FBXL5: variants seen among roughly 807,000 people sequenced by gnomAD.
FBXL5 encodes the protein F-box/LRR-repeat protein 5.
A neutral mutation model predicts 78.3 loss-of-function variants in FBXL5; 26 were observed. That is an observed-to-expected ratio of 0.33 (90% CI 0.24 to 0.46). The LOEUF is 0.46. Among genes scored for constraint, FBXL5 ranks in the 20% least tolerant of loss-of-function variants. The pLI is 1.00. For synonymous variants in FBXL5, 295 were observed against 282.5 expected, an observed-to-expected ratio of 1.04 and a Z score of -0.45; for missense variants, 710 against 829.2, an observed-to-expected ratio of 0.86 and a Z score of 1.77.
chr4:15,676,973 T>C (rs1319681846), intron 1 of FBXL5, among the ~76,000 whole-genome samples: 1 of 152,226 alleles, frequency 6.6e-6, no homozygotes, highest in African/African-American at 2.4e-5. Flanking sequence ...ATATGTTCTA[T>C]ATTTATTAAG....
At chr4:15,613,627 A>G (rs975262411) in intron 9 of FBXL5, among the ~76,000 whole-genome samples, 6 of 151,786 alleles carry the variant, frequency 4.0e-5, no homozygotes, top group Non-Finnish European at 5.9e-5. Flanking sequence ...ATTTTATTTT[A>G]TTTTTTATTC....
In FBXL5 at chr4:15,606,100, T is replaced by C. The variant is rs549948271; in HGVS notation, c.2000-301A>G. Among the ~76,000 whole-genome samples, 22 of 152,234 alleles carry C rather than the reference T, an allele frequency of 1.4e-4. No homozygotes were observed. In the South Asian group the frequency reaches 3.5e-3, roughly 24 times the overall value. On this transcript the variant is annotated intron_variant, in intron 10 of 10. Coordinates refer to ENST00000341285, the MANE Select transcript of FBXL5 (RefSeq NM_012161.4). ...AATGAGACAATCCACAGAAGCAAGA[T>C]TGCCAAGCTAACTTATAAAAAGATT...
At chr4:15,627,334 CA>C (rs982696834) in intron 7 of FBXL5, among the ~76,000 whole-genome samples, 1 of 152,052 alleles carries the variant, frequency 6.6e-6, no homozygotes, top group African/African-American at 2.4e-5. Context: ...GGGGTTTCAC[CA>C]TATTGGCCAG....
At chr4:15,648,962 T>C (rs1560237172) in intron 1 of FBXL5, among the ~76,000 whole-genome samples, 1 of 152,176 alleles carries the variant, frequency 6.6e-6, no homozygotes, top group Admixed American at 6.5e-5. Context: ...AAGCATTGCA[T>C]TGTACACCTT....
chr4:15,676,729 AG>A (rs1718008578), intron 1 of FBXL5, among the ~76,000 whole-genome samples: 1 of 152,084 alleles, frequency 6.6e-6, no homozygotes, highest in East Asian at 1.9e-4. Flanking sequence ...GGTTGAAACT[AG>A]GTGTTGGGTT....
intron 9 of FBXL5, among the ~76,000 whole-genome samples, chr4:15,621,572 T>A (rs1447226386): frequency 6.6e-6 from 1 of 152,186 alleles, no homozygotes; most frequent in South Asian, 2.1e-4. Context: ...TTCTGATACA[T>A]GCTACGATGT....
chr4:15,608,002 A>G (rs1223275136), intron 10 of FBXL5, among the ~76,000 whole-genome samples: 1 of 152,206 alleles, frequency 6.6e-6, no homozygotes, highest in African/African-American at 2.4e-5. Context: ...AATAACGTAT[A>G]ACAAAGGTAG....
At chr4:15,608,914 C>T (rs926950263) in intron 10 of FBXL5, among the ~76,000 whole-genome samples, 9 of 152,156 alleles carry the variant, frequency 5.9e-5, no homozygotes, top group South Asian at 4.1e-4. Flanking sequence ...AACTCAGTAT[C>T]ACATTGTAGA....
Position 15,625,466 on chromosome 4 carries a change from A to G in FBXL5, c.1636T>C (p.Cys546Arg). The change falls in exon 9 of 11, where the codon TGT becomes CGT. Residue 546 changes from cysteine (C) to arginine (R), a missense_variant. Physicochemically the swap from Cys to Arg is radical, Grantham distance 180. Around this residue, in one of 4 missense-constraint regions of FBXL5, gnomAD observed 517 missense variants for 542.9 expected, o/e 0.95. Transcript: ENST00000341285. ...QHCASPAFAYCGHSFCCTGTA... is the reference protein window; with the variant it reads ...QHCASPAFAYRGHSFCCTGTA... ...CCTGTACAACAAAATGAGTGACCAC[A>G]ATACGCAAAGGCTGGAGAAGCACAA... The G allele has an allele frequency of 6.2e-7, 1 of 1,614,038 alleles. No individual in the cohort carries two copies. The highest frequency in any genetic ancestry group is 8.5e-7 in the Non-Finnish European group (1 of 1,179,964).
chr4:15,680,861 CTA>C (rs1285354001), intron 1 of FBXL5, among the ~76,000 whole-genome samples: 1 of 150,068 alleles, frequency 6.7e-6, no homozygotes, highest in Non-Finnish European at 1.5e-5. Context: ...TAAAAAAAAA[CTA>C]TATATGACAT....
upstream of FBXL5, chr4:15,655,456 T>G (rs760214624): frequency 1.1e-6 from 1 of 904,108 alleles, no homozygotes; most frequent in East Asian, 1.2e-4. Flanking sequence ...GCCGCCGCCA[T>G]GCGATCCCTG....
At chr4:15,639,009 A>C (rs1241066016) in intron 3 of FBXL5, among the ~76,000 whole-genome samples, 9 of 152,296 alleles carry the variant, frequency 5.9e-5, no homozygotes, top group African/African-American at 2.2e-4. Context: ...TACTAAAAAT[A>C]CAGAAGTAGC....
intron 7 of FBXL5, among the ~76,000 whole-genome samples, chr4:15,627,544 T>C (rs2148584740): frequency 6.6e-6 from 1 of 152,322 alleles, no homozygotes; most frequent in South Asian, 2.1e-4. Flanking sequence ...AACAGTGATT[T>C]CATCTCATTT....
chr4:15,635,867 G>C (rs1412754919), intron 5 of FBXL5, among the ~76,000 whole-genome samples: 1 of 150,940 alleles, frequency 6.6e-6, no homozygotes, highest in African/African-American at 2.4e-5. Context: ...ATTATATGTT[G>C]ATGAAAAGAA....
intron 1 of FBXL5, among the ~76,000 whole-genome samples, chr4:15,678,645 A>G (rs1362482474): frequency 6.6e-6 from 1 of 152,224 alleles, no homozygotes; most frequent in Non-Finnish European, 1.5e-5. Flanking sequence ...TCCTAGGTAG[A>G]GCATTAATTT....
At chr4:15,681,145 G>C (rs1039521553) in intron 1 of FBXL5, 1 of 152,024 alleles carries the variant, frequency 6.6e-6, no homozygotes, top group Non-Finnish European at 1.5e-5. Flanking sequence ...AAAAATCAAT[G>C]ATCTGCTAAC....
At chr4:15,663,086 G>A (rs1418285864), upstream of FBXL5, among the ~76,000 whole-genome samples, 1 of 152,164 alleles carries the variant, frequency 6.6e-6, no homozygotes. Flanking sequence ...TATTATTTGT[G>A]AAGAATTACA....
intron 9 of FBXL5, among the ~76,000 whole-genome samples, chr4:15,617,462 C>CA (rs1432077410): frequency 2.7e-5 from 4 of 150,376 alleles, no homozygotes; most frequent in African/African-American, 4.9e-5. Context: ...ACAGGAGAAT[C>CA]ACCTGAACCT....
chr4:15,633,066 A>G (rs963951038), intron 5 of FBXL5, among the ~76,000 whole-genome samples: 18 of 152,328 alleles, frequency 1.2e-4, no homozygotes, highest in African/African-American at 4.1e-4. Context: ...AAAAAAAGTT[A>G]CACTGAAATA....
Sources: gnomAD v4.1 joint callset for allele counts (sites outside exome capture counted in the v4.1 genomes callset) on GRCh38, gnomAD v4.1.1 for gene constraint, gnomAD v4.1.1 regional missense constraint, MANE v1.5 for transcripts, NCBI Gene and HGNC (gene_info 2026-07-23, HGNC 2026-07-21) for gene names.